The following CEP350 variants were observed in gnomAD, a reference collection of about 807,000 sequenced individuals.
The protein encoded by CEP350 is centrosome-associated protein 350.
In CEP350, 126 loss-of-function variants were observed where a neutral mutation model predicts 331.8. That is an observed-to-expected ratio of 0.38 (90% CI 0.33 to 0.44). The LOEUF is 0.44. Ranked by LOEUF, CEP350 falls within the 20% of genes least tolerant of loss-of-function variation. The pLI is 1.00. For missense variants in CEP350, 3,406 were observed against 3,634.6 expected, an observed-to-expected ratio of 0.94 and a Z score of 1.62; for synonymous variants, 1,200 against 1,259.5, an observed-to-expected ratio of 0.95 and a Z score of 1.00.
chr1:179,968,895 C>A (rs1392136536), intron 1 of CEP350: 3 of 754,058 alleles, frequency 4.0e-6, no homozygotes, highest in Non-Finnish European at 2.4e-6. Context: ...GAAATACTGG[C>A]CAGAAGGCTG....
At chr1:180,038,935 C>T (rs915863190) in intron 17 of CEP350, among the ~76,000 whole-genome samples, 5 of 151,884 alleles carry the variant, frequency 3.3e-5, no homozygotes, top group South Asian at 2.1e-4. Context: ...ATCTTTGGGC[C>T]GACTGTGGTG....
chr1:180,064,014 T>TA (rs1658396295), intron 26 of CEP350, among the ~76,000 whole-genome samples: 1 of 152,204 alleles, frequency 6.6e-6, no homozygotes, highest in Non-Finnish European at 1.5e-5. Context: ...TTAACATTGA[T>TA]ACATTACTAC....
intron 1 of CEP350, among the ~76,000 whole-genome samples, chr1:179,970,835 A>G (rs1231472740): frequency 6.6e-6 from 1 of 152,224 alleles, no homozygotes; most frequent in African/African-American, 2.4e-5. Context: ...ACAGGTATAG[A>G]TCATTGTTTC....
rs549438772 is a variant in CEP350, at chr1:180,096,913, T to G, written c.9066+729T>G. On this transcript the variant is annotated intron_variant, in intron 36 of 37. Coordinates refer to ENST00000367607, the MANE Select transcript of CEP350 (RefSeq NM_014810.5). ...ATCTTGTTGAAATGGAGATTCTGAT[T>G]TAGTAGGTCTGGAGTAGGACCTGAA... 3.9e-5 allele frequency among the ~76,000 whole-genome samples: 6 copies of G among 152,316 alleles called. No homozygotes were observed. The South Asian group carries it at 1.2e-3, about 32-fold the overall frequency.
chr1:179,957,973 C>A (rs770660697), intron 1 of CEP350, among the ~76,000 whole-genome samples: 1 of 152,160 alleles, frequency 6.6e-6, no homozygotes, highest in South Asian at 2.1e-4. Context: ...ATATTTTATA[C>A]ATAAGAAAAC....
chr1:180,096,359 G>A (rs972586818), intron 36 of CEP350, among the ~76,000 whole-genome samples, 175 bp downstream of exon 36: 1 of 150,458 alleles, frequency 6.6e-6, no homozygotes, highest in Non-Finnish European at 1.5e-5. Flanking sequence ...ATGAACAGTG[G>A]AGGGATTGGA....
In CEP350 at chr1:180,062,379, A is replaced by C. The variant is rs771568771; in HGVS notation, c.5409+13A>C. The C allele has an allele frequency of 3.8e-6, 6 of 1,579,716 alleles. No homozygotes were observed. Among genetic ancestry groups the C allele is most frequent in the Middle Eastern group, 1.7e-4 (1 of 5,948 alleles). ...GGAGAGTAAATTGGTAAACTACATG[A>C]AGTTATTATTTGTTTCCTGTCTTAT... On this transcript the variant is annotated intron_variant, in intron 26 of 37. Transcript: ENST00000367607.
At chr1:180,099,160 A>G (rs1213271378) in intron 37 of CEP350, among the ~76,000 whole-genome samples, 175 bp downstream of exon 37, 1 of 152,182 alleles carries the variant, frequency 6.6e-6, no homozygotes, top group African/African-American at 2.4e-5. Flanking sequence ...TTTCTTTTGT[A>G]CTCAGTAGAT....
intron 26 of CEP350, among the ~76,000 whole-genome samples, chr1:180,064,350 C>T (rs962130530): frequency 2.0e-5 from 3 of 152,100 alleles, no homozygotes; most frequent in African/African-American, 7.2e-5. Flanking sequence ...TGTCCCTCAG[C>T]CCCTAAGATG....
chr1:180,054,591 C>A, intron 25 of CEP350, 89 bp downstream of exon 25: 1 of 906,400 alleles, frequency 1.1e-6, no homozygotes. Context: ...TTTTCCTTAT[C>A]ATTGCCTTAA....
intron 1 of CEP350, among the ~76,000 whole-genome samples, chr1:179,984,040 A>G (rs1034377927): frequency 1.3e-5 from 2 of 152,198 alleles, no homozygotes; most frequent in Admixed American, 1.3e-4. Context: ...TTGGAAGACA[A>G]TTTGACATTG....
At chr1:180,109,331 G>A (rs901772007) in intron 37 of CEP350, among the ~76,000 whole-genome samples, 1 of 151,916 alleles carries the variant, frequency 6.6e-6, no homozygotes, top group Non-Finnish European at 1.5e-5. Context: ...CATTGGTCAG[G>A]GTGGTCTTGA....
In CEP350 at chr1:179,971,936, A is replaced by G. The variant is rs116631845; in HGVS notation, c.-13-14233A>G. ...AGAGACCCTCAAAGATCCCTGAACC[A>G]TACTTTGAGAACTGGTAGTATAGAT... On this transcript the variant is annotated intron_variant, in intron 1 of 37. Transcript: ENST00000367607. 5.9e-4 allele frequency among the ~76,000 whole-genome samples: 90 copies of G among 152,232 alleles called. 1 individual carries two copies. The highest frequency in any genetic ancestry group is 2.0e-3 in the African/African-American group (85 of 41,534).
In CEP350 at chr1:179,996,890, C is replaced by T; in HGVS notation, c.733C>T (p.His245Tyr). ...GAAGCTTTCTGTGAATAACATGGCC[C>T]ATGATACTGATCCAAAAGCGTTACG... ...NLKLSVNNMA[H>Y]DTDPKALRLT... is the part of the protein sequence containing the mutation. Residue 245 changes from histidine (H) to tyrosine (Y), a missense_variant, in exon 6 of 38, where the codon CAT becomes TAT. Physicochemically the swap from His to Tyr is moderately conservative, Grantham distance 83. This residue lies in a region of CEP350 where 1,857 missense variants were observed against 1,909.2 expected (regional missense o/e 0.97). Transcript: ENST00000367607. The T allele has an allele frequency of 6.2e-7, 1 of 1,613,992 alleles. No individual in the cohort carries two copies. The highest frequency in any genetic ancestry group is 8.5e-7 in the Non-Finnish European group (1 of 1,179,856).
chr1:180,006,469 A>C lies in CEP350; in HGVS notation c.1148A>C (p.Lys383Thr). 1 of 1,512,676 alleles carries C rather than the reference A, an allele frequency of 6.6e-7. No individual in the cohort carries two copies. Among genetic ancestry groups the C allele is most frequent in the Non-Finnish European group, 9.0e-7 (1 of 1,111,018 alleles). 93.7% of individuals were successfully genotyped at this position (1,512,676 alleles called of 1,614,324 possible). A position where few individuals can be genotyped will look rare whatever the true frequency, so the allele number is the denominator to read the frequency against. Residue 383 changes from lysine (K) to threonine (T), a missense_variant, in exon 8 of 38, where the codon AAG becomes ACG. By Grantham distance (78) the Lys-to-Thr change is moderately conservative. This residue lies in a region of CEP350 where 1,857 missense variants were observed against 1,909.2 expected (regional missense o/e 0.97). Transcript: ENST00000367607. ...ALHFADDISI[K>T]EKPAEKSKEK... The stretch of plus-strand genomic sequence containing the variant: ...TGCTTTTCAGATGATATTTCTATAA[A>C]GGAGAAACCTGCTGAAAAAAGTAAA...
rs746927066 is a variant in CEP350, at chr1:180,022,845, C to T, written c.3383C>T (p.Pro1128Leu). ...TSTEKKSTLE[P>L]HSTLSPQEDH... is the part of the protein sequence containing the mutation. ...ACAGAAAAAAAATCAACTCTTGAAC[C>T]TCAGTAAGATATATTGGCAATATGG... Residue 1128 changes from proline (P) to leucine (L), a missense_variant, in exon 13 of 38, where the codon CCT (proline) becomes CTT (leucine). Physicochemically the swap from Pro to Leu is moderately conservative, Grantham distance 98. Coordinates refer to ENST00000367607, the MANE Select transcript of CEP350 (RefSeq NM_014810.5). 6.3e-7 allele frequency: 1 copy of T among 1,577,776 alleles called. No homozygotes were observed. Among genetic ancestry groups the T allele is most frequent in the Non-Finnish European group, 8.6e-7 (1 of 1,160,124 alleles).
rs1661523057 is a variant in CEP350, at chr1:180,112,808, A to C, written c.*1647A>C. On this transcript the variant is annotated 3_prime_UTR_variant, in exon 38 of 38. Coordinates refer to ENST00000367607, the MANE Select transcript of CEP350 (RefSeq NM_014810.5). ...CCCTCCAAACTTGCCTTTGCATCTT[A>C]AATATTTCACTATGCACACTCCCAT... The C allele has an allele frequency of 1.3e-5, 2 of 152,668 alleles. No homozygotes were observed. The highest frequency in any genetic ancestry group is 1.3e-4 in the Admixed American group (2 of 15,282). The allele number at this position is 152,668 out of a possible 1,614,324, so 9.5% of individuals were successfully genotyped here.
intron 30 of CEP350, among the ~76,000 whole-genome samples, chr1:180,081,373 A>G (rs531458565): frequency 6.6e-6 from 1 of 152,272 alleles, no homozygotes; most frequent in South Asian, 2.1e-4. Flanking sequence ...TAACTATATA[A>G]TATTTCAAAG....
intron 28 of CEP350, among the ~76,000 whole-genome samples, chr1:180,076,362 A>G (rs1430306270): frequency 6.6e-6 from 1 of 152,252 alleles, no homozygotes; most frequent in Non-Finnish European, 1.5e-5. Flanking sequence ...AAGTTCAACT[A>G]TATATGCAAA....
Sources: gnomAD v4.1 joint callset for allele counts (sites outside exome capture counted in the v4.1 genomes callset) on GRCh38, gnomAD v4.1.1 for gene constraint, gnomAD v4.1.1 regional missense constraint, MANE v1.5 for transcripts, NCBI Gene and HGNC (gene_info 2026-07-23, HGNC 2026-07-21) for gene names.